The following ALOX5 variants were observed in gnomAD, a reference collection of about 807,000 sequenced individuals.
ALOX5 encodes the protein polyunsaturated fatty acid 5-lipoxygenase.
Under a neutral mutation model 87.9 loss-of-function variants are expected in ALOX5, and 64 were observed. That is an observed-to-expected ratio of 0.73 (90% confidence interval 0.60 to 0.90). ALOX5 has a LOEUF of 0.90. ALOX5 is among the 40% of genes least tolerant of loss of function. The probability of loss-of-function intolerance (pLI) is 0.00; values close to 1 mark genes in which losing one functional copy is unlikely to be tolerated. For synonymous variants in ALOX5, 388 were observed against 355.1 expected, an observed-to-expected ratio of 1.09 and a Z score of -1.04; for missense variants, 822 against 907.5, an observed-to-expected ratio of 0.91 and a Z score of 1.21.
chr10:45,408,815 T>C (rs1840967193), intron 3 of ALOX5, among the ~76,000 whole-genome samples: 1 of 152,224 alleles, frequency 6.6e-6, no homozygotes, highest in Non-Finnish European at 1.5e-5. Flanking sequence ...ATTTATGGCT[T>C]CCATTTCTTT....
At chr10:45,439,818 C>T (rs1178044504) in intron 7 of ALOX5, among the ~76,000 whole-genome samples, 1 of 152,194 alleles carries the variant, frequency 6.6e-6, no homozygotes, top group Non-Finnish European at 1.5e-5. Context: ...AAGACAGGTC[C>T]AGCCTCTGCT....
intron 3 of ALOX5, among the ~76,000 whole-genome samples, chr10:45,406,782 A>C (rs1840902031): frequency 6.6e-6 from 1 of 152,174 alleles, no homozygotes; most frequent in Admixed American, 6.5e-5. Flanking sequence ...TGGTTAGTTA[A>C]TGTGCTCATA....
At position 45,428,601 on chromosome 10, in the gene ALOX5, C is replaced by T; in HGVS notation, c.835-17C>T. 1.2e-6 allele frequency: 2 copies of T among 1,613,792 alleles called. No homozygotes were observed. On this transcript the variant is annotated splice_polypyrimidine_tract_variant and intron_variant, in intron 6 of 13. Coordinates refer to ENST00000374391, the MANE Select transcript of ALOX5 (RefSeq NM_000698.5). ...TCTGCTGAGCCTGATTTGGACACAT[C>T]TCTCTGCCTCCTGCAGCAAGGGAAC...
rs1842311991 is a variant in ALOX5 at position 45,443,440 on chromosome 10, C to G, written c.1476C>G (p.Ile492Met). 6.2e-7 allele frequency: 1 copy of G among 1,609,462 alleles called. No homozygotes were observed. Among genetic ancestry groups the G allele is most frequent in the African/African-American group, 1.3e-5 (1 of 74,872 alleles). ...GGTTCACGGCCGAGGTGGTAGACAT[C>G]TACTACGAGGGCGACCAGGTGGTGG... ...IRTFTAEVVD[I>M]YYEGDQVVEE... The change falls in exon 11 of 14, where the codon ATC (isoleucine) becomes ATG (methionine). Residue 492 changes from isoleucine (I) to methionine (M), a missense_variant. Physicochemically the swap from Ile to Met is conservative, Grantham distance 10 (BLOSUM62 1). Coordinates refer to ENST00000374391, the MANE Select transcript of ALOX5 (RefSeq NM_000698.5).
At chr10:45,417,354 A>G in intron 4 of ALOX5, among the ~76,000 whole-genome samples, 1 of 152,156 alleles carries the variant, frequency 6.6e-6, no homozygotes, top group Non-Finnish European at 1.5e-5. Flanking sequence ...GCACAGTTAT[A>G]TTTTAGGGCT....
intron 7 of ALOX5, among the ~76,000 whole-genome samples, chr10:45,431,085 T>A (rs1340416919): frequency 6.6e-6 from 1 of 152,186 alleles, no homozygotes; most frequent in Non-Finnish European, 1.5e-5. Flanking sequence ...CCACCATAAT[T>A]TATTATACCC....
Position 45,433,813 on chromosome 10 carries a change from C to G in ALOX5, c.981+5049C>G, listed in dbSNP as rs550138408. Among the ~76,000 whole-genome samples the G allele has an allele frequency of 3.9e-4, 59 of 152,234 alleles. No homozygotes were observed. In the South Asian group the frequency reaches 9.5e-3, roughly 25 times the overall value. On this transcript the variant is annotated intron_variant, in intron 7 of 13. Transcript: ENST00000374391. ...GTGGGCGGGACTTCCCCCAGGCCCC[C>G]CAGGAAGAAATTTAGAACAAAGAGC...
intron 4 of ALOX5, among the ~76,000 whole-genome samples, chr10:45,414,400 G>A (rs376427266): frequency 2.6e-4 from 40 of 151,960 alleles, no homozygotes; most frequent in African/African-American, 8.2e-4. Context: ...GAAAGCTGAA[G>A]CTGGATCCCT....
rs573168845 is a variant in ALOX5 at position 45,395,289 on chromosome 10, A to G, written c.350-566A>G. ...TACTATGCAGCCATAAAAAAGGATG[A>G]ATTCATGTCCTTTGTAGGGACATGG... On this transcript the variant is annotated intron_variant, in intron 2 of 13. Transcript: ENST00000374391. Among the ~76,000 whole-genome samples the G allele has an allele frequency of 4.6e-5, 7 of 152,350 alleles. No individual in the cohort carries two copies. The South Asian group carries it at 1.5e-3, about 32-fold the overall frequency.
intron 2 of ALOX5, among the ~76,000 whole-genome samples, chr10:45,383,842 A>T (rs1839924954): frequency 6.6e-6 from 1 of 152,172 alleles, no homozygotes; most frequent in Non-Finnish European, 1.5e-5. Flanking sequence ...CACAAAGTTC[A>T]TTTATTCCTG....
intron 7 of ALOX5, among the ~76,000 whole-genome samples, chr10:45,429,365 C>T (rs898450253): frequency 1.3e-5 from 2 of 152,106 alleles, no homozygotes; most frequent in Admixed American, 6.5e-5. Flanking sequence ...GGAGGAACTG[C>T]GCAGAGGACA....
intron 1 of ALOX5, among the ~76,000 whole-genome samples, chr10:45,375,838 G>A (rs895442870): frequency 5.3e-5 from 8 of 152,184 alleles, no homozygotes; most frequent in African/African-American, 1.9e-4. Flanking sequence ...CCCCAGTCGG[G>A]GAACTGACCC....
chr10:45,379,281 T>C (rs560773464), intron 1 of ALOX5, among the ~76,000 whole-genome samples: 4 of 151,586 alleles, frequency 2.6e-5, no homozygotes, highest in Non-Finnish European at 2.9e-5. Context: ...TGGGGACACC[T>C]TCCTCCCTCT....
At chr10:45,405,945 G>A (rs533485896) in intron 3 of ALOX5, among the ~76,000 whole-genome samples, 11 of 152,064 alleles carry the variant, frequency 7.2e-5, no homozygotes, top group East Asian at 1.9e-4. Flanking sequence ...GAACTCTCCC[G>A]GTAGCATTCG....
chr10:45,386,055 TTAGC>T (rs1839996016), intron 2 of ALOX5, among the ~76,000 whole-genome samples: 1 of 151,848 alleles, frequency 6.6e-6, no homozygotes, highest in Admixed American at 6.6e-5. Context: ...AAATTGAAAA[TTAGC>T]TAGGGGCCGA....
intron 2 of ALOX5, among the ~76,000 whole-genome samples, chr10:45,390,719 C>A (rs987896868): frequency 3.3e-5 from 5 of 152,180 alleles, no homozygotes; most frequent in African/African-American, 1.2e-4. Context: ...TATAGCACTA[C>A]ATGCCCACAA....
chr10:45,425,664 C>T lies in ALOX5; in HGVS notation c.834+532C>T, dbSNP rs923520093. 6.6e-6 allele frequency among the ~76,000 whole-genome samples: 1 copy of T among 152,212 alleles called. No individual in the cohort carries two copies. Among genetic ancestry groups the T allele is most frequent in the African/African-American group, 2.4e-5 (1 of 41,466 alleles). Reference sequence around the variant, plus strand: ...CCTCACCTGCAGACTCAGCTGCCTCCGGCTGCAAGGCTGACCTAGTCTTGA... The same window carrying T: ...CCTCACCTGCAGACTCAGCTGCCTCTGGCTGCAAGGCTGACCTAGTCTTGA... On this transcript the variant is annotated intron_variant, in intron 6 of 13. Coordinates refer to ENST00000374391, the MANE Select transcript of ALOX5 (RefSeq NM_000698.5). This position sits in a 1 kb window ranked among gnomAD's most constrained non-coding sequence, Gnocchi z 4.4.
chr10:45,411,000 A>T (rs1259067975), intron 3 of ALOX5, among the ~76,000 whole-genome samples: 1 of 152,260 alleles, frequency 6.6e-6, no homozygotes, highest in Non-Finnish European at 1.5e-5. Context: ...ATCATGTGCT[A>T]AACAATGAGT....
chr10:45,428,927 C>G (rs912771090), intron 7 of ALOX5, among the ~76,000 whole-genome samples, 163 bp downstream of exon 7: 2 of 152,116 alleles, frequency 1.3e-5, no homozygotes, highest in Non-Finnish European at 2.9e-5. Context: ...GGAGAGGGTT[C>G]TACTCCCCAA....
Sources: allele counts gnomAD v4.1 joint callset (sites outside exome capture counted in the v4.1 genomes callset), GRCh38; gene constraint gnomAD v4.1.1; non-coding constraint Gnocchi (gnomAD v3.1); transcripts MANE v1.5; gene names NCBI Gene and HGNC (gene_info 2026-07-23, HGNC 2026-07-21).